TNR: variants seen among roughly 807,000 people sequenced by gnomAD.
The protein encoded by TNR is tenascin R, also known as tenascin-R.
A neutral mutation model predicts 150.4 loss-of-function variants in TNR; 45 were observed. The observed-to-expected ratio is 0.30, with a 90% CI of 0.24 to 0.38. The LOEUF (loss-of-function observed/expected upper bound fraction) is 0.38, where lower values mean the gene tolerates loss of function less well. TNR is among the 10% of genes least tolerant of loss of function. The pLI is 1.00. For synonymous variants in TNR, 687 were observed against 678.4 expected (o/e 1.01, Z -0.20); for missense variants, 1,544 against 1,759.1 (o/e 0.88, Z 2.19).
rs186553194 is a variant in TNR, at chr1:175,415,134, C to A, written c.-63-8357G>T. On this transcript the variant is annotated intron_variant, in intron 2 of 22. Transcript: ENST00000367674. ...AACTATATCTGTGGAAAATGACACT[C>A]TTTTTTTGTGCTTTTTTTTTTTTTT... Among the ~76,000 whole-genome samples the A allele has an allele frequency of 1.6e-3, 229 of 139,258 alleles. 1 individual carries two copies. Among genetic ancestry groups the A allele is most frequent in the Non-Finnish European group, 8.7e-4 (57 of 65,632 alleles). 91.4% of individuals were successfully genotyped at this position (139,258 alleles called of 152,430 possible). A position where few individuals can be genotyped will look rare whatever the true frequency, so the allele number is the denominator to read the frequency against.
At chr1:175,723,537 A>AT (rs1667397091) in intron 1 of TNR, among the ~76,000 whole-genome samples, 1 of 152,220 alleles carries the variant, frequency 6.6e-6, no homozygotes, top group Admixed American at 6.5e-5. Flanking sequence ...AAGTAGTCTT[A>AT]TATATATGGT....
At chr1:175,491,321 C>A (rs1226598582) in intron 2 of TNR, among the ~76,000 whole-genome samples, 1 of 152,130 alleles carries the variant, frequency 6.6e-6, no homozygotes, top group East Asian at 1.9e-4. Flanking sequence ...ACCATGGCAC[C>A]TATTTACCTA....
At chr1:175,560,447 C>T (rs1343540918) in intron 1 of TNR, among the ~76,000 whole-genome samples, 2 of 152,238 alleles carry the variant, frequency 1.3e-5, no homozygotes, top group East Asian at 3.8e-4. Flanking sequence ...CCATTCAATC[C>T]ATAAGAATAC....
At chr1:175,396,477 T>A in intron 5 of TNR, 67 bp downstream of exon 5, 1 of 1,555,178 alleles carries the variant, frequency 6.4e-7, no homozygotes, top group Non-Finnish European at 8.7e-7. Context: ...GACGCTACTA[T>A]CATGAATGCC....
At chr1:175,734,623 T>A (rs1314258613) in intron 1 of TNR, among the ~76,000 whole-genome samples, 1 of 152,260 alleles carries the variant, frequency 6.6e-6, no homozygotes, top group East Asian at 1.9e-4. Context: ...CCAAGGTAGA[T>A]GAAAAGCTGA....
At chr1:175,604,966 A>G (rs1663363987) in intron 1 of TNR, among the ~76,000 whole-genome samples, 1 of 152,218 alleles carries the variant, frequency 6.6e-6, no homozygotes, top group South Asian at 2.1e-4. Flanking sequence ...GGAACACCCA[A>G]AGAAGCATCT....
intron 8 of TNR, among the ~76,000 whole-genome samples, chr1:175,380,037 A>G (rs527500771): frequency 2.6e-5 from 4 of 152,364 alleles, no homozygotes; most frequent in African/African-American, 4.8e-5. Context: ...TCATAAGCTT[A>G]AAAACAAAAC....
At chr1:175,478,130 G>C (rs1252573649) in intron 2 of TNR, among the ~76,000 whole-genome samples, 1 of 152,208 alleles carries the variant, frequency 6.6e-6, no homozygotes, top group Non-Finnish European at 1.5e-5. Context: ...GGGGTTATGT[G>C]TAATTGCTCT....
At chr1:175,463,210 A>G (rs916522914) in intron 2 of TNR, among the ~76,000 whole-genome samples, 1 of 152,222 alleles carries the variant, frequency 6.6e-6, no homozygotes, top group Admixed American at 6.5e-5. Context: ...GGGCCTCATT[A>G]GGTTCCTTAT....
intron 1 of TNR, among the ~76,000 whole-genome samples, chr1:175,584,809 G>A (rs571324761): frequency 6.6e-6 from 1 of 152,130 alleles, no homozygotes; most frequent in Non-Finnish European, 1.5e-5. Context: ...AAAAAGTTTG[G>A]TTTAATTTAT....
intron 1 of TNR, among the ~76,000 whole-genome samples, chr1:175,653,465 A>G (rs1360977967): frequency 2.6e-5 from 4 of 152,184 alleles, no homozygotes; most frequent in Non-Finnish European, 4.4e-5. Flanking sequence ...AAAAACAAAA[A>G]CAGCAGGTGT....
chr1:175,388,263 A>G (rs568641235), intron 7 of TNR, among the ~76,000 whole-genome samples: 151 of 146,162 alleles, frequency 1.0e-3, no homozygotes, highest in Admixed American at 4.8e-3. Flanking sequence ...AGCTTTTTGG[A>G]AAAAAAAAAA....
chr1:175,549,943 A>C (rs140706220), intron 1 of TNR, among the ~76,000 whole-genome samples: 1,773 of 152,306 alleles, frequency 0.012, 40 homozygotes, highest in African/African-American at 0.039. Context: ...GAAAACTGTG[A>C]GATAGTTAAT....
chr1:175,319,402 TC>T lies in TNR; in HGVS notation c.*3954del, dbSNP rs2101973884. 1 of 152,348 alleles carries T rather than the reference TC, an allele frequency of 6.6e-6. No homozygotes were observed. The highest frequency in any genetic ancestry group is 2.1e-4 in the South Asian group (1 of 4,828). The allele number at this position is 152,348 out of a possible 1,614,324, so 9.4% of individuals were successfully genotyped here. On this transcript the variant is annotated 3_prime_UTR_variant, in exon 23 of 23. Coordinates refer to ENST00000367674, the MANE Select transcript of TNR (RefSeq NM_003285.3). ...GAAAAGATTCCACAATGACTTTTTG[TC>T]CCTTAATCTACAGCTCTGCTCTGAG...
In TNR at chr1:175,329,276, G is replaced by A. The variant is rs545053313; in HGVS notation, c.3793+798C>T. Among the ~76,000 whole-genome samples, 4 of 152,314 alleles carry A rather than the reference G, an allele frequency of 2.6e-5. No individual in the cohort carries two copies. The East Asian group carries it at 7.7e-4, about 29-fold the overall frequency. On this transcript the variant is annotated intron_variant, in intron 21 of 22. Transcript: ENST00000367674. ...CAATAATGCCAAGTATCAAACATTAGAATATTTGAAAAAGCAGGTTTTGTG... is the reference window on the plus strand; with the variant it reads ...CAATAATGCCAAGTATCAAACATTAAAATATTTGAAAAAGCAGGTTTTGTG...
Position 175,315,298 on chromosome 1 carries a change from A to G in TNR, c.*8059T>C, listed in dbSNP as rs921233311. ...TAAAAATACTAGTTAACAATGGTTA[A>G]CAAGCAGAGATTCCAGTCTTTGAGC... On this transcript the variant is annotated 3_prime_UTR_variant, in exon 23 of 23. Transcript: ENST00000367674. 1 of 152,242 alleles carries G rather than the reference A, an allele frequency of 6.6e-6. No individual in the cohort carries two copies. Among genetic ancestry groups the G allele is most frequent in the African/African-American group, 2.4e-5 (1 of 41,454 alleles). 9.4% of individuals were successfully genotyped at this position (152,242 alleles called of 1,614,324 possible).
intron 1 of TNR, among the ~76,000 whole-genome samples, chr1:175,567,099 G>A: frequency 6.6e-6 from 1 of 152,046 alleles, no homozygotes; most frequent in East Asian, 1.9e-4. Context: ...ACCTACAGTG[G>A]TTACCCTTTT....
chr1:175,638,492 C>T lies in TNR; in HGVS notation c.-165+104734G>A, dbSNP rs1190134104. Among the ~76,000 whole-genome samples, 4 of 152,136 alleles carry T rather than the reference C, an allele frequency of 2.6e-5. No individual in the cohort carries two copies. The East Asian group carries it at 5.8e-4, about 22-fold the overall frequency. ...GGCACTCGTGCATATGGCTTCAGGC[C>T]GGGTCTCAGCACAAATGACCATCCA... On this transcript the variant is annotated intron_variant, in intron 1 of 22. Coordinates refer to ENST00000367674, the MANE Select transcript of TNR (RefSeq NM_003285.3).
chr1:175,359,635 A>T lies in TNR; in HGVS notation c.2951T>A (p.Val984Asp). 1 of 1,613,730 alleles carries T rather than the reference A, an allele frequency of 6.2e-7. No individual in the cohort carries two copies. Among genetic ancestry groups the T allele is most frequent in the Non-Finnish European group, 8.5e-7 (1 of 1,179,820 alleles). ...KAPVGEVENYVIVLTHFAVAG... is the reference protein window; with the variant it reads ...KAPVGEVENYDIVLTHFAVAG... ...ACCTGCAAAGTGTGTAAGAACAATGACGTAGTTCTCCACCTCACCCACTGG... is the reference window on the plus strand; with the variant it reads ...ACCTGCAAAGTGTGTAAGAACAATGTCGTAGTTCTCCACCTCACCCACTGG... Residue 984 changes from valine (V) to aspartate (D), a missense_variant, in exon 15 of 23, where the codon GTC (valine) becomes GAC (aspartate). Val to Asp is a radical substitution (Grantham distance 152). Coordinates refer to ENST00000367674, the MANE Select transcript of TNR (RefSeq NM_003285.3).
Sources: gnomAD v4.1 joint callset for allele counts (sites outside exome capture counted in the v4.1 genomes callset) on GRCh38, gnomAD v4.1.1 for gene constraint, MANE v1.5 for transcripts, NCBI Gene and HGNC (gene_info 2026-07-23, HGNC 2026-07-21) for gene names.